Variants in MVB12B observed in about 807,000 individuals in gnomAD.
MVB12B encodes ESCRT-I complex subunit MVB12B.
In MVB12B, 16 loss-of-function variants were observed where a neutral mutation model predicts 41.6. The ratio of observed to expected loss-of-function variants is 0.38; its 90% CI spans 0.26 to 0.58. The LOEUF is 0.58. Among genes scored for constraint, MVB12B ranks in the 20% least tolerant of loss-of-function variants. MVB12B has a pLI of 0.62. For missense variants in MVB12B, 274 were observed against 380.2 expected (o/e 0.72, Z 2.32); for synonymous variants, 133 against 139.7 (o/e 0.95, Z 0.34).
intron 8 of MVB12B, among the ~76,000 whole-genome samples, chr9:126,481,889 C>A (rs558456959): frequency 6.6e-5 from 10 of 152,378 alleles, no homozygotes; most frequent in African/African-American, 2.4e-4. Flanking sequence ...AGGAGGCTGC[C>A]TCGTTTTCCC....
chr9:126,351,153 A>G (rs1343000845), intron 2 of MVB12B, among the ~76,000 whole-genome samples: 1 of 152,216 alleles, frequency 6.6e-6, no homozygotes, highest in Non-Finnish European at 1.5e-5. Flanking sequence ...AGCAATTATA[A>G]ATGGAATTGT....
chr9:126,437,176 C>T (rs1832502101), intron 7 of MVB12B, among the ~76,000 whole-genome samples: 1 of 152,184 alleles, frequency 6.6e-6, no homozygotes, highest in South Asian at 2.1e-4. Context: ...CCAGGAGTGG[C>T]ATGCTGTATT....
chr9:126,354,921 G>C (rs1044433924), intron 2 of MVB12B, among the ~76,000 whole-genome samples: 1 of 152,088 alleles, frequency 6.6e-6, no homozygotes, highest in East Asian at 1.9e-4. Context: ...CTAATATACC[G>C]TCTATTTTAT....
At chr9:126,343,482 T>C (rs1222023807) in intron 2 of MVB12B, among the ~76,000 whole-genome samples, 1 of 152,244 alleles carries the variant, frequency 6.6e-6, no homozygotes, top group Non-Finnish European at 1.5e-5. Context: ...GTGTGCAGAA[T>C]GTAACCTTTG....
chr9:126,451,848 T>C (rs2119161223), intron 7 of MVB12B, among the ~76,000 whole-genome samples: 1 of 152,296 alleles, frequency 6.6e-6, no homozygotes. Context: ...CCAGGTGGAA[T>C]ATGAAGAGCA....
At chr9:126,422,295 G>C (rs900755272) in intron 7 of MVB12B, among the ~76,000 whole-genome samples, 7 of 152,144 alleles carry the variant, frequency 4.6e-5, no homozygotes, top group Non-Finnish European at 1.0e-4. Context: ...GCTGAGCCCT[G>C]GTCGGCTCAC....
chr9:126,399,559 C>T (rs2119020154), intron 6 of MVB12B, among the ~76,000 whole-genome samples: 1 of 152,328 alleles, frequency 6.6e-6, no homozygotes, highest in East Asian at 1.9e-4. Context: ...AGCCCCTCCA[C>T]CGTCTGTCAC....
At position 126,396,131 on chromosome 9, in the gene MVB12B, A is replaced by G. The variant is rs564469134; in HGVS notation, c.662+434A>G. 248 of 991,200 alleles carry G rather than the reference A, an allele frequency of 2.5e-4. No homozygotes were observed. The African/African-American group carries it at 3.8e-3, about 15-fold the overall frequency. 61.4% of individuals were successfully genotyped at this position (991,200 alleles called of 1,614,324 possible). ...CATTTTCATATAATTTCTTTTTCCAATGAGCTATAAAGTAAGAAATGGGTA... is the reference window on the plus strand; with the variant it reads ...CATTTTCATATAATTTCTTTTTCCAGTGAGCTATAAAGTAAGAAATGGGTA... On this transcript the variant is annotated intron_variant, in intron 6 of 9. Coordinates refer to ENST00000361171, the MANE Select transcript of MVB12B (RefSeq NM_033446.3).
intron 9 of MVB12B, among the ~76,000 whole-genome samples, chr9:126,494,134 T>A (rs1833786061): frequency 6.6e-6 from 1 of 152,262 alleles, no homozygotes; most frequent in Admixed American, 6.5e-5. Flanking sequence ...AGCCATCTAT[T>A]TCTGTTTTCC....
intron 7 of MVB12B, among the ~76,000 whole-genome samples, chr9:126,451,170 CT>C: frequency 6.6e-6 from 1 of 152,338 alleles, no homozygotes; most frequent in East Asian, 1.9e-4. Context: ...CACACCACCA[CT>C]GCCATAGGGA....
intron 7 of MVB12B, among the ~76,000 whole-genome samples, chr9:126,446,336 A>G (rs377744780): frequency 6.6e-6 from 1 of 152,040 alleles, no homozygotes; most frequent in Admixed American, 6.5e-5. Flanking sequence ...TCTTCTTTAA[A>G]TATAGTACTA....
intron 6 of MVB12B, among the ~76,000 whole-genome samples, chr9:126,421,378 T>C (rs1832012618): frequency 6.6e-6 from 1 of 152,220 alleles, no homozygotes; most frequent in South Asian, 2.1e-4. Flanking sequence ...GCAATAATAA[T>C]TCCCAACACC....
At chr9:126,402,956 A>C (rs1831308670) in intron 6 of MVB12B, among the ~76,000 whole-genome samples, 1 of 152,244 alleles carries the variant, frequency 6.6e-6, no homozygotes, top group African/African-American at 2.4e-5. Context: ...TTCCAGCCGA[A>C]AGGACCAGCA....
chr9:126,440,284 C>T (rs573320046), intron 7 of MVB12B, among the ~76,000 whole-genome samples: 73 of 152,274 alleles, frequency 4.8e-4, no homozygotes, highest in South Asian at 1.2e-3. Context: ...CTAACTAGGC[C>T]GAAGTACCTC....
At chr9:126,371,243 C>T (rs774005518) in intron 2 of MVB12B, among the ~76,000 whole-genome samples, 22 of 152,176 alleles carry the variant, frequency 1.4e-4, no homozygotes, top group Non-Finnish European at 2.8e-4. Flanking sequence ...GGTCCAGGGC[C>T]GTGTCATAGC....
chr9:126,495,066 C>CCTA (rs1395129643), intron 9 of MVB12B, among the ~76,000 whole-genome samples: 1 of 151,996 alleles, frequency 6.6e-6, no homozygotes, highest in African/African-American at 2.4e-5. Flanking sequence ...GTGGTGCATG[C>CCTA]CTGTAGTCCC....
chr9:126,341,632 G>A (rs1829447498), intron 2 of MVB12B, among the ~76,000 whole-genome samples: 1 of 152,202 alleles, frequency 6.6e-6, no homozygotes, highest in Admixed American at 6.5e-5. Context: ...CCCAACTTCA[G>A]CACTGTTGAC....
intron 7 of MVB12B, among the ~76,000 whole-genome samples, chr9:126,432,996 T>C (rs1177458840): frequency 6.6e-6 from 1 of 152,138 alleles, no homozygotes; most frequent in African/African-American, 2.4e-5. Context: ...CTGATGGCAA[T>C]GCTGGATCCA....
intron 7 of MVB12B, among the ~76,000 whole-genome samples, chr9:126,447,316 C>T (rs1354069693): frequency 6.6e-6 from 1 of 150,480 alleles, no homozygotes; most frequent in Non-Finnish European, 1.5e-5. Flanking sequence ...GTGGTTCCCT[C>T]ATTTGTTTTC....
Sources: gnomAD v4.1 joint callset for allele counts (sites outside exome capture counted in the v4.1 genomes callset) on GRCh38, gnomAD v4.1.1 for gene constraint, MANE v1.5 for transcripts, NCBI Gene and HGNC (gene_info 2026-07-23, HGNC 2026-07-21) for gene names.